SATL1: variants seen among roughly 807,000 people sequenced by gnomAD.
SATL1 encodes spermidine/spermine N1-acetyl transferase like 1.
A neutral mutation model predicts 51.8 loss-of-function variants in SATL1; 47 were observed. That is an observed-to-expected ratio of 0.91 (90% confidence interval 0.72 to 1.16). The LOEUF (loss-of-function observed/expected upper bound fraction) is 1.16. Ranked by LOEUF, SATL1 falls within the 50% of genes most tolerant of loss-of-function variation. SATL1 has a pLI of 0.00. For missense variants in SATL1, 520 were observed against 526.4 expected, an observed-to-expected ratio of 0.99 and a Z score of 0.12; for synonymous variants, 176 against 182.4, an observed-to-expected ratio of 0.97 and a Z score of 0.28.
At chrX:85,169,598 C>T (rs1926927751) in intron 2 of SATL1, among the ~76,000 whole-genome samples, 1 of 111,460 alleles carries the variant, frequency 9.0e-6, no homozygotes, top group Non-Finnish European at 1.9e-5. Context: ...CTCAGAATGT[C>T]TATTATTAAA....
chrX:85,169,843 T>A (rs369792603), intron 2 of SATL1, among the ~76,000 whole-genome samples: 1 of 111,685 alleles, frequency 9.0e-6, no homozygotes, highest in Non-Finnish European at 1.9e-5. Flanking sequence ...GTAGCACTAT[T>A]CACAATGGCA....
In SATL1 at chrX:85,136,266, A is replaced by G. The variant is rs545833195; in HGVS notation, c.-312-26986T>C. 9.1e-5 allele frequency among the ~76,000 whole-genome samples: 10 copies of G among 109,726 alleles called. No individual in the cohort carries two copies. In the South Asian group the frequency reaches 3.5e-3, roughly 39 times the overall value. On this transcript the variant is annotated intron_variant, in intron 2 of 7. Coordinates refer to ENST00000644105, the MANE Select transcript of SATL1 (RefSeq NM_001367857.2). ...AAATTTCCAAGCAGAGATGTTCATT[A>G]AGCAGTTGGATATCTACACTGGAGA...
chrX:85,196,196 A>G (rs750222600), intron 2 of SATL1, among the ~76,000 whole-genome samples: 2 of 111,860 alleles, frequency 1.8e-5, no homozygotes, highest in East Asian at 5.6e-4. Flanking sequence ...TTACAATGGT[A>G]TCAAAATGAA....
At chrX:85,100,193 C>T (rs1379807398) in intron 4 of SATL1, among the ~76,000 whole-genome samples, 1 of 91,550 alleles carries the variant, frequency 1.1e-5, no homozygotes, top group Admixed American at 1.3e-4. Context: ...GACTCTGTCT[C>T]AAAACAAAAC....
chrX:85,194,105 A>T (rs1371346557), intron 2 of SATL1, among the ~76,000 whole-genome samples: 1 of 112,023 alleles, frequency 8.9e-6, no homozygotes, highest in Admixed American at 9.5e-5. Context: ...AGTACTTTCC[A>T]CAATGGTTGA....
chrX:85,103,489 T>G (rs902242945), intron 4 of SATL1, among the ~76,000 whole-genome samples: 1 of 112,124 alleles, frequency 8.9e-6, no homozygotes, highest in African/African-American at 3.2e-5. Context: ...TTAATCTTGA[T>G]GACTATCAAA....
At chrX:85,128,207 T>C (rs1358641383) in intron 2 of SATL1, among the ~76,000 whole-genome samples, 1 of 111,691 alleles carries the variant, frequency 9.0e-6, no homozygotes, top group African/African-American at 3.3e-5. Context: ...TTCTAGATCC[T>C]TGAGGAATCG....
intron 2 of SATL1, among the ~76,000 whole-genome samples, chrX:85,169,558 A>G (rs1426759887): frequency 3.6e-5 from 4 of 112,205 alleles, no homozygotes; most frequent in Non-Finnish European, 7.5e-5. Context: ...AATGCAAATT[A>G]AAACCACAAT....
rs929749078 is a variant in SATL1 at position 85,094,230 on chromosome X, C to G, written c.1775-1G>C. The G allele has an allele frequency of 1.9e-5, 21 of 1,098,421 alleles. No homozygotes were observed. The highest frequency in any genetic ancestry group is 2.6e-5 in the Non-Finnish European group (21 of 796,699). The allele number at this position is 1,098,421 out of a possible 1,213,427, so 90.5% of individuals were successfully genotyped here. The stretch of plus-strand genomic sequence containing the variant: ...ATGGCAAATCCAACAGTCAGTTTGC[C>G]TAGGAAGGGAGAAGAAAGGGTGTAG... On this transcript the variant is annotated splice_acceptor_variant, in intron 5 of 7. Transcript: ENST00000644105. LOFTEE classifies it high-confidence loss of function.
intron 2 of SATL1, among the ~76,000 whole-genome samples, chrX:85,111,885 G>T (rs1005113785): frequency 9.0e-6 from 1 of 111,594 alleles, no homozygotes. Flanking sequence ...GACACTTTTA[G>T]TAGCAGAATG....
At chrX:85,150,148 C>A (rs1222664537) in intron 2 of SATL1, among the ~76,000 whole-genome samples, 8 of 110,887 alleles carry the variant, frequency 7.2e-5, no homozygotes, top group East Asian at 5.6e-4. Context: ...CACCGATCCC[C>A]CAGAAATACA....
At chrX:85,216,821 T>C (rs1262401166) in intron 2 of SATL1, among the ~76,000 whole-genome samples, 3 of 112,057 alleles carry the variant, frequency 2.7e-5, no homozygotes, top group Non-Finnish European at 5.6e-5. Context: ...TGTAGCTCAT[T>C]GAGGGCGTCA....
chrX:85,142,882 GA>G (rs1926143802), intron 2 of SATL1: 1 of 111,417 alleles, frequency 9.0e-6, no homozygotes, highest in African/African-American at 3.3e-5. Context: ...TTCTCCTCCT[GA>G]AAACTCTCCT....
chrX:85,135,699 C>T (rs188771333), intron 2 of SATL1, among the ~76,000 whole-genome samples: 2 of 96,514 alleles, frequency 2.1e-5, no homozygotes, highest in African/African-American at 8.2e-5. Flanking sequence ...AACCCCCGCA[C>T]CTGAAGTAGC....
chrX:85,167,126 A>G (rs1281884697), intron 2 of SATL1, among the ~76,000 whole-genome samples: 2 of 109,213 alleles, frequency 1.8e-5, no homozygotes, highest in Non-Finnish European at 3.8e-5. Flanking sequence ...CCACTATTCT[A>G]TATGAAGTAA....
chrX:85,201,544 A>G (rs1177892731), intron 2 of SATL1, among the ~76,000 whole-genome samples: 2 of 111,243 alleles, frequency 1.8e-5, no homozygotes, highest in Non-Finnish European at 3.8e-5. Context: ...AGTTTGTTGT[A>G]CATATTATTA....
intron 2 of SATL1, among the ~76,000 whole-genome samples, chrX:85,146,847 G>A (rs948279493): frequency 2.7e-5 from 3 of 112,606 alleles, no homozygotes; most frequent in African/African-American, 9.7e-5. Flanking sequence ...CAACCAAGAT[G>A]GCCGAATAGG....
intron 1 of SATL1, among the ~76,000 whole-genome samples, chrX:85,236,819 GT>G (rs1928489996): frequency 9.0e-6 from 1 of 111,269 alleles, no homozygotes; most frequent in Non-Finnish European, 1.9e-5. Context: ...ATTCAACATA[GT>G]ACTGGAAGTC....
At chrX:85,242,614 A>G (rs1229760935) in intron 1 of SATL1, among the ~76,000 whole-genome samples, 1 of 112,238 alleles carries the variant, frequency 8.9e-6, no homozygotes, top group East Asian at 2.8e-4. Context: ...AGGAAAACAA[A>G]TATTTTACCA....
Sources: gnomAD v4.1 joint callset for allele counts (sites outside exome capture counted in the v4.1 genomes callset) on GRCh38, gnomAD v4.1.1 for gene constraint, MANE v1.5 for transcripts, NCBI Gene and HGNC (gene_info 2026-07-23, HGNC 2026-07-21) for gene names.